Variants in MARCHF1 observed in about 807,000 individuals in gnomAD.
MARCHF1 encodes E3 ubiquitin-protein ligase MARCHF1.
Under a neutral mutation model 54.2 loss-of-function variants are expected in MARCHF1, and 40 were observed. The observed-to-expected ratio is 0.74, with a 90% CI of 0.57 to 0.96. MARCHF1 has a LOEUF of 0.96. Among genes scored for constraint, MARCHF1 ranks in the 40% least tolerant of loss-of-function variants. The pLI, the probability that MARCHF1 is intolerant of heterozygous loss-of-function variation, is 0.00. For missense variants in MARCHF1, 586 were observed against 656.5 expected (o/e 0.89, Z 1.17); for synonymous variants, 236 against 236.3 (o/e 1.00, Z 0.01).
At chr4:164,296,948 G>C (rs1255982730) in intron 1 of MARCHF1, among the ~76,000 whole-genome samples, 1 of 152,160 alleles carries the variant, frequency 6.6e-6, no homozygotes, top group African/African-American at 2.4e-5. Context: ...CTAAAAGCAA[G>C]TGCTCTAGCA....
chr4:163,770,231 G>A (rs2110864431), intron 4 of MARCHF1, among the ~76,000 whole-genome samples: 1 of 152,276 alleles, frequency 6.6e-6, no homozygotes, highest in East Asian at 1.9e-4. Context: ...ATTTTTGACT[G>A]CATAGGGGCG....
At chr4:163,828,718 A>G (rs1189762041) in intron 4 of MARCHF1, 1 of 152,232 alleles carries the variant, frequency 6.6e-6, no homozygotes, top group Non-Finnish European at 1.5e-5. Context: ...ACCATAAAAC[A>G]ACATTTAAAT....
At chr4:163,804,498 A>G (rs1207097269) in intron 4 of MARCHF1, among the ~76,000 whole-genome samples, 1 of 152,198 alleles carries the variant, frequency 6.6e-6, no homozygotes, top group Non-Finnish European at 1.5e-5. Context: ...ACCACTGTTC[A>G]ATAGAAATAT....
At position 163,791,723 on chromosome 4, in the gene MARCHF1, T is replaced by G. The variant is rs1747778188; in HGVS notation, c.111+62298A>C. Among the ~76,000 whole-genome samples the G allele has an allele frequency of 2.0e-5, 3 of 152,198 alleles. No individual in the cohort carries two copies. In the South Asian group the frequency reaches 6.2e-4, roughly 31 times the overall value. On this transcript the variant is annotated intron_variant, in intron 4 of 9. Transcript: ENST00000514618. Reference sequence around the variant, plus strand: ...AATATTGCATCTTCAGTTTGTTTCCTTCACCTGATTTCTTTCTAATTACCT... The same window carrying G: ...AATATTGCATCTTCAGTTTGTTTCCGTCACCTGATTTCTTTCTAATTACCT...
intron 1 of MARCHF1, among the ~76,000 whole-genome samples, chr4:164,354,726 C>T (rs1326129442): frequency 0.019 from 2,381 of 125,468 alleles, no homozygotes; most frequent in East Asian, 0.023. Flanking sequence ...CCCTCTCTCA[C>T]CACTCCTATT....
intron 3 of MARCHF1, among the ~76,000 whole-genome samples, chr4:163,929,908 AAATATATAT>A (rs1182485468): frequency 3.9e-5 from 5 of 128,102 alleles, no homozygotes; most frequent in South Asian, 2.3e-4. Context: ...AACATATTGG[AAATATATAT>A]AATATATATA....
intron 4 of MARCHF1, 119 bp from the exon 5 acceptor site, chr4:163,700,982 G>C: frequency 1.5e-6 from 1 of 662,016 alleles, no homozygotes; most frequent in Non-Finnish European, 2.6e-6. Context: ...ATATTGTTTT[G>C]ACTAATACAC....
At chr4:163,558,419 G>C (rs1739360514) in intron 8 of MARCHF1, among the ~76,000 whole-genome samples, 1 of 152,190 alleles carries the variant, frequency 6.6e-6, no homozygotes. Flanking sequence ...AGATGCTTGA[G>C]CAAGTGGAGG....
rs13327908 is a variant in MARCHF1, at chr4:164,038,379, G to T, written c.-247-49670C>A. On this transcript the variant is annotated intron_variant, in intron 2 of 9. Transcript: ENST00000514618. ...CGTGGTGGCGGCACCTGTAGTCCCAGCTACTTGGGAGGCTGAGGCAGGAGA... is the reference window on the plus strand; with the variant it reads ...CGTGGTGGCGGCACCTGTAGTCCCATCTACTTGGGAGGCTGAGGCAGGAGA... 5.1e-3 allele frequency among the ~76,000 whole-genome samples: 779 copies of T among 152,284 alleles called. 9 individuals carry two copies. Among genetic ancestry groups the T allele is most frequent in the African/African-American group, 0.018 (729 of 41,558 alleles).
rs573066732 is a variant in MARCHF1, at chr4:164,042,712, C to T, written c.-247-54003G>A. Among the ~76,000 whole-genome samples, 6 of 152,288 alleles carry T rather than the reference C, an allele frequency of 3.9e-5. No individual in the cohort carries two copies. The South Asian group carries it at 1.0e-3, about 26-fold the overall frequency. On this transcript the variant is annotated intron_variant, in intron 2 of 9. Transcript: ENST00000514618. ...TTCATTTCAGCATTAACTCAAAAGTCCTGATTCCAAAGTCTCATCTGAGAC... is the reference window on the plus strand; with the variant it reads ...TTCATTTCAGCATTAACTCAAAAGTTCTGATTCCAAAGTCTCATCTGAGAC...
At chr4:164,173,469 A>T (rs1247160530) in intron 1 of MARCHF1, among the ~76,000 whole-genome samples, 2 of 152,216 alleles carry the variant, frequency 1.3e-5, no homozygotes, top group East Asian at 3.8e-4. Context: ...ATAATGGCAG[A>T]CGCAATTCAA....
intron 5 of MARCHF1, among the ~76,000 whole-genome samples, chr4:163,677,107 G>A (rs1743944269): frequency 6.6e-6 from 1 of 152,174 alleles, no homozygotes; most frequent in Non-Finnish European, 1.5e-5. Context: ...CTTTCAGGGA[G>A]AAATAGGTAG....
At chr4:164,154,910 T>G (rs866471248) in intron 1 of MARCHF1, among the ~76,000 whole-genome samples, 1 of 152,242 alleles carries the variant, frequency 6.6e-6, no homozygotes, top group African/African-American at 2.4e-5. Flanking sequence ...TGGAGGTGGC[T>G]CTCAGCAGGC....
chr4:163,631,786 A>C (rs1362786712), intron 5 of MARCHF1, among the ~76,000 whole-genome samples: 1 of 152,256 alleles, frequency 6.6e-6, no homozygotes, highest in East Asian at 1.9e-4. Flanking sequence ...TACCAAAAGC[A>C]TGGGCAGCAA....
chr4:164,074,964 T>C (rs984929027), intron 2 of MARCHF1, among the ~76,000 whole-genome samples: 2 of 152,010 alleles, frequency 1.3e-5, no homozygotes, highest in African/African-American at 2.4e-5. Context: ...ACTGTATTTA[T>C]GTTTGGTCCA....
chr4:164,381,703 C>T (rs1193714298), intron 1 of MARCHF1, among the ~76,000 whole-genome samples: 2 of 152,092 alleles, frequency 1.3e-5, no homozygotes, highest in Non-Finnish European at 2.9e-5. Context: ...CATGTAAGCA[C>T]GTCAGAAGCT....
Position 163,853,000 on chromosome 4 carries a change from T to A in MARCHF1, c.111+1021A>T, listed in dbSNP as rs142255584. Among the ~76,000 whole-genome samples, 14 of 152,226 alleles carry A rather than the reference T, an allele frequency of 9.2e-5. No homozygotes were observed. The East Asian group carries it at 2.7e-3, about 29-fold the overall frequency. ...GTAGGGACACAGTGAGAAGGCACCATCTATGAATCAGAAAAGCAGGCCCTC... is the reference window on the plus strand; with the variant it reads ...GTAGGGACACAGTGAGAAGGCACCAACTATGAATCAGAAAAGCAGGCCCTC... On this transcript the variant is annotated intron_variant, in intron 4 of 9. Coordinates refer to ENST00000514618, the MANE Select transcript of MARCHF1 (RefSeq NM_001394959.1).
At chr4:163,863,352 G>A (rs1204977966) in intron 3 of MARCHF1, among the ~76,000 whole-genome samples, 1 of 152,034 alleles carries the variant, frequency 6.6e-6, no homozygotes, top group Non-Finnish European at 1.5e-5. Flanking sequence ...CATAAGCACT[G>A]TGCTCTAGTT....
intron 5 of MARCHF1, among the ~76,000 whole-genome samples, chr4:163,667,293 G>A (rs1352845018): frequency 6.6e-6 from 1 of 152,040 alleles, no homozygotes; most frequent in African/African-American, 2.4e-5. Context: ...GAAACTGCAA[G>A]GCTAGAACCA....
Sources: allele counts gnomAD v4.1 joint callset (sites outside exome capture counted in the v4.1 genomes callset), GRCh38; gene constraint gnomAD v4.1.1; transcripts MANE v1.5; gene names NCBI Gene and HGNC (gene_info 2026-07-23, HGNC 2026-07-21).